The following JMJD1C variants were observed in gnomAD, a reference collection of about 807,000 sequenced individuals.
JMJD1C encodes jumonji domain-containing protein 1C.
In JMJD1C, 31 loss-of-function variants were observed where a neutral mutation model predicts 245.3. The ratio of observed to expected loss-of-function variants is 0.13; its 90% CI spans 0.09 to 0.17. The LOEUF is 0.17. Among genes scored for constraint, JMJD1C ranks in the 10% least tolerant of loss-of-function variants. The pLI, the probability that JMJD1C is intolerant of heterozygous loss-of-function variation, is 1.00. For synonymous variants in JMJD1C, 1,057 were observed against 1,017.4 expected (o/e 1.04, Z -0.74); for missense variants, 2,691 against 3,000.2 (o/e 0.90, Z 2.41).
chr10:63,183,287 T>C (rs574916836), intron 22 of JMJD1C, among the ~76,000 whole-genome samples, 160 bp downstream of exon 22: 7 of 152,336 alleles, frequency 4.6e-5, no homozygotes, highest in African/African-American at 7.2e-5. Context: ...AATAGGAAAA[T>C]TATTCAATCT....
intron 2 of JMJD1C, among the ~76,000 whole-genome samples, chr10:63,315,153 C>T (rs939415684): frequency 6.6e-6 from 1 of 152,030 alleles, no homozygotes; most frequent in Non-Finnish European, 1.5e-5. Flanking sequence ...CATGGAAGTA[C>T]ACTTGCAAGT....
chr10:63,261,537 T>C (rs902382144), intron 3 of JMJD1C, among the ~76,000 whole-genome samples: 2 of 151,814 alleles, frequency 1.3e-5, no homozygotes, highest in African/African-American at 4.8e-5. Context: ...GCTGAGATTG[T>C]GCCACAGCAC....
chr10:63,239,044 T>C (rs2133475369), intron 3 of JMJD1C, among the ~76,000 whole-genome samples: 1 of 152,172 alleles, frequency 6.6e-6, no homozygotes, highest in African/African-American at 2.4e-5. Flanking sequence ...CAGGAAAGGA[T>C]TTACAGAGAA....
At chr10:63,224,807 T>C (rs575219873) in intron 3 of JMJD1C, among the ~76,000 whole-genome samples, 1 of 152,270 alleles carries the variant, frequency 6.6e-6, no homozygotes, top group East Asian at 1.9e-4. Context: ...CTCACACTTA[T>C]AATCCCAGCA....
chr10:63,290,515 C>G (rs182155264), intron 2 of JMJD1C, among the ~76,000 whole-genome samples: 1 of 151,948 alleles, frequency 6.6e-6, no homozygotes, highest in Non-Finnish European at 1.5e-5. Flanking sequence ...GAGCCAAGAT[C>G]GCACCACTGC....
At chr10:63,512,947 AT>A (rs1954914424) in intron 1 of JMJD1C, among the ~76,000 whole-genome samples, 1 of 152,160 alleles carries the variant, frequency 6.6e-6, no homozygotes, top group Admixed American at 6.5e-5. Context: ...AAGCTCAGAG[AT>A]TTTTAAAAGT....
intron 1 of JMJD1C, among the ~76,000 whole-genome samples, chr10:63,506,772 A>G (rs1435183640): frequency 6.6e-6 from 1 of 152,144 alleles, no homozygotes; most frequent in African/African-American, 2.4e-5. Flanking sequence ...GTGACCCAGT[A>G]TTATCAACCA....
intron 1 of JMJD1C, among the ~76,000 whole-genome samples, chr10:63,387,689 G>A (rs941757638): frequency 6.9e-5 from 8 of 116,260 alleles, no homozygotes; most frequent in African/African-American, 2.7e-4. Context: ...AGGCTACAGT[G>A]CAGTGGCGTG....
intron 1 of JMJD1C, among the ~76,000 whole-genome samples, chr10:63,443,867 C>G (rs1464607298): frequency 2.0e-5 from 3 of 152,138 alleles, no homozygotes; most frequent in Non-Finnish European, 4.4e-5. Flanking sequence ...CCCTATCACT[C>G]GGGAGAGTCC....
intron 3 of JMJD1C, among the ~76,000 whole-genome samples, chr10:63,248,816 G>A (rs1179755311): frequency 2.0e-5 from 3 of 152,116 alleles, no homozygotes; most frequent in African/African-American, 7.2e-5. Context: ...CCAAAATATG[G>A]ACTCCACCTA....
chr10:63,333,869 A>G (rs1398181319), intron 2 of JMJD1C, among the ~76,000 whole-genome samples: 2 of 152,214 alleles, frequency 1.3e-5, no homozygotes, highest in East Asian at 1.9e-4. Flanking sequence ...TAAATTTTGA[A>G]TATTTAAATA....
intron 2 of JMJD1C, among the ~76,000 whole-genome samples, chr10:63,296,050 T>G (rs1859401519): frequency 6.8e-6 from 1 of 147,504 alleles, no homozygotes; most frequent in Non-Finnish European, 1.5e-5. Context: ...TCACTCTTGT[T>G]GCCCAGGCTG....
At chr10:63,298,782 G>A (rs941533163) in intron 2 of JMJD1C, among the ~76,000 whole-genome samples, 4 of 152,104 alleles carry the variant, frequency 2.6e-5, no homozygotes, top group East Asian at 1.9e-4. Context: ...GCCCAGGCTG[G>A]AGTGCAATGG....
intron 1 of JMJD1C, among the ~76,000 whole-genome samples, chr10:63,501,573 C>G (rs537120909): frequency 6.6e-6 from 1 of 152,068 alleles, no homozygotes; most frequent in Non-Finnish European, 1.5e-5. Context: ...GTCAGGAGAT[C>G]GAGACCATCC....
intron 2 of JMJD1C, among the ~76,000 whole-genome samples, chr10:63,357,553 G>A (rs1290151285): frequency 2.6e-5 from 4 of 151,974 alleles, no homozygotes; most frequent in Non-Finnish European, 4.4e-5. Flanking sequence ...TGATCTACCC[G>A]CCTCTGCCTC....
chr10:63,248,884 T>C (rs1252727513), intron 3 of JMJD1C, among the ~76,000 whole-genome samples: 1 of 152,240 alleles, frequency 6.6e-6, no homozygotes, highest in Non-Finnish European at 1.5e-5. Flanking sequence ...TAATGAATAT[T>C]GTCCTGGCCA....
At chr10:63,470,853 C>A (rs566279502), upstream of JMJD1C, among the ~76,000 whole-genome samples, 2 of 152,146 alleles carry the variant, frequency 1.3e-5, no homozygotes, top group Non-Finnish European at 2.9e-5. Context: ...TCTGGCTGCA[C>A]AGGAATGTAC....
Position 63,334,668 on chromosome 10 carries a change from C to A in JMJD1C, c.333+45650G>T, listed in dbSNP as rs543157092. Among the ~76,000 whole-genome samples the A allele has an allele frequency of 1.5e-4, 23 of 151,970 alleles. No individual in the cohort carries two copies. The South Asian group carries it at 4.8e-3, about 32-fold the overall frequency. On this transcript the variant is annotated intron_variant, in intron 2 of 25. Coordinates refer to ENST00000399262, the MANE Select transcript of JMJD1C (RefSeq NM_032776.3). ...CCCAAGAGGTGGAGGTTGCAGCGAG[C>A]TGAGATTGTGCCAATGCCCCCCAGC...
intron 1 of JMJD1C, among the ~76,000 whole-genome samples, chr10:63,442,930 C>T (rs1489366775): frequency 2.0e-5 from 3 of 152,192 alleles, no homozygotes; most frequent in Non-Finnish European, 4.4e-5. Flanking sequence ...AGGTGCCCTA[C>T]AATTCAATTC....
Sources: allele counts gnomAD v4.1 joint callset (sites outside exome capture counted in the v4.1 genomes callset), GRCh38; gene constraint gnomAD v4.1.1; transcripts MANE v1.5; gene names NCBI Gene and HGNC (gene_info 2026-07-23, HGNC 2026-07-21).